The following TNFRSF10A variants were observed in gnomAD, a reference collection of about 807,000 sequenced individuals.
TNFRSF10A encodes tumor necrosis factor receptor superfamily member 10A.
TNFRSF10A carries 44 observed loss-of-function variants against 42.8 expected under a neutral mutation model. That is an observed-to-expected ratio of 1.03 (90% CI 0.81 to 1.32). The LOEUF is 1.32. Among genes scored for constraint, TNFRSF10A ranks in the 40% most tolerant of loss-of-function variants. TNFRSF10A has a pLI of 0.00. For missense variants in TNFRSF10A, 680 were observed against 602.0 expected (o/e 1.13, Z -1.36); for synonymous variants, 259 against 234.2 (o/e 1.11, Z -0.97).
chr8:23,207,056 G>A (rs575197117), intron 2 of TNFRSF10A: 42 of 472,254 alleles, frequency 8.9e-5, no homozygotes, highest in East Asian at 6.7e-4. Flanking sequence ...CCCACCTTCC[G>A]GTGGCCCAAG....
intron 9 of TNFRSF10A, among the ~76,000 whole-genome samples, chr8:23,196,916 G>C (rs1800830483): frequency 6.6e-6 from 1 of 152,160 alleles, no homozygotes; most frequent in South Asian, 2.1e-4. Flanking sequence ...GATAGACAGA[G>C]TGGCTAGTGT....
chr8:23,193,333 C>G (rs1028395472), intron 9 of TNFRSF10A, among the ~76,000 whole-genome samples: 3 of 152,206 alleles, frequency 2.0e-5, no homozygotes, highest in Non-Finnish European at 4.4e-5. Flanking sequence ...CAGTCTCTCT[C>G]AGGTCCCACT....
At chr8:23,216,754 A>T (rs1359868980) in intron 1 of TNFRSF10A, among the ~76,000 whole-genome samples, 2 of 151,846 alleles carry the variant, frequency 1.3e-5, no homozygotes, top group African/African-American at 4.9e-5. Context: ...AAAAAAAAAA[A>T]AGAAATATTT....
chr8:23,191,973 G>A lies in TNFRSF10A; in HGVS notation c.1128C>T (p.Pro376=), dbSNP rs752341073. The A allele has an allele frequency of 6.2e-6, 10 of 1,614,044 alleles. No individual in the cohort carries two copies. The highest frequency in any genetic ancestry group is 2.2e-5 in the East Asian group (1 of 44,896). Residue 376 remains proline, a synonymous_variant, in exon 10 of 10, where the codon CCC becomes CCT. Coordinates refer to ENST00000221132, the MANE Select transcript of TNFRSF10A (RefSeq NM_003844.4). ...TCATGAGCTGGTCCCAGGAGTCAAA[G>A]GGCACGATGTTTGCAAACTTGTCAA... is the stretch of plus-strand genomic sequence containing the variant. The part of the protein sequence containing the change: ...LFFDKFANIV[P]FDSWDQLMRQ...
At chr8:23,206,172 C>T (rs930086441) in intron 2 of TNFRSF10A, among the ~76,000 whole-genome samples, 2 of 151,230 alleles carry the variant, frequency 1.3e-5, no homozygotes, top group Non-Finnish European at 2.9e-5. Context: ...AGTGTTAAAA[C>T]GAGTGAAAAA....
At chr8:23,210,727 C>T (rs186950210) in intron 2 of TNFRSF10A, among the ~76,000 whole-genome samples, 90 of 152,128 alleles carry the variant, frequency 5.9e-4, no homozygotes, top group Non-Finnish European at 6.9e-4. Context: ...TATACCAGGA[C>T]CAAATAAGTT....
intron 1 of TNFRSF10A, among the ~76,000 whole-genome samples, chr8:23,219,689 C>T (rs976379634): frequency 2.0e-5 from 3 of 152,202 alleles, no homozygotes; most frequent in Non-Finnish European, 2.9e-5. Flanking sequence ...GAAGAGGCAG[C>T]GGCAGAGGCC....
chr8:23,212,247 T>A (rs780979905), intron 1 of TNFRSF10A, 35 bp from the exon 2 acceptor site: 1 of 1,572,612 alleles, frequency 6.4e-7, no homozygotes, highest in South Asian at 1.1e-5. Context: ...CATGAGTGGC[T>A]TCCAGATCTC....
chr8:23,223,669 C>T (rs192399794), intron 1 of TNFRSF10A, among the ~76,000 whole-genome samples: 2 of 152,288 alleles, frequency 1.3e-5, no homozygotes, highest in African/African-American at 2.4e-5. Flanking sequence ...ACTTGTAAGA[C>T]TGGTTTATCC....
At chr8:23,209,708 AC>A (rs1381420424) in intron 2 of TNFRSF10A, among the ~76,000 whole-genome samples, 2 of 152,154 alleles carry the variant, frequency 1.3e-5, no homozygotes, top group African/African-American at 4.8e-5. Flanking sequence ...CAATGCCTGT[AC>A]CCCCATTATA....
chr8:23,196,805 T>C (rs930649554), intron 9 of TNFRSF10A, among the ~76,000 whole-genome samples: 5 of 152,218 alleles, frequency 3.3e-5, no homozygotes, highest in African/African-American at 4.8e-5. Context: ...GATAAAGAGC[T>C]ATTAGCCCAC....
chr8:23,210,556 C>G (rs1433662724), intron 2 of TNFRSF10A, among the ~76,000 whole-genome samples: 1 of 152,088 alleles, frequency 6.6e-6, no homozygotes, highest in African/African-American at 2.4e-5. Context: ...GTGGCAGGCG[C>G]CTGTAGTCCC....
intron 9 of TNFRSF10A, among the ~76,000 whole-genome samples, chr8:23,193,457 T>G (rs2128846200): frequency 6.6e-6 from 1 of 152,354 alleles, no homozygotes; most frequent in South Asian, 2.1e-4. Context: ...GGATCTGCTC[T>G]TCTCAGTTTG....
chr8:23,199,681 A>G (rs1308789227), intron 7 of TNFRSF10A, among the ~76,000 whole-genome samples: 1 of 152,106 alleles, frequency 6.6e-6, no homozygotes, highest in Non-Finnish European at 1.5e-5. Flanking sequence ...GGGCTGTAGG[A>G]AGCACAGGGC....
rs184858322 is a variant in TNFRSF10A at position 23,224,670 on chromosome 8, G to A, written c.306+86C>T. 7 of 1,458,720 alleles carry A rather than the reference G, an allele frequency of 4.8e-6. No homozygotes were observed. The African/African-American group carries it at 8.6e-5, about 18-fold the overall frequency. The allele number at this position is 1,458,720 out of a possible 1,614,324, so 90.4% of individuals were successfully genotyped here. On this transcript the variant is annotated intron_variant, in intron 1 of 9. Transcript: ENST00000221132. ...CCCCGCCACAAGTGACCCGGGCCAGGCACCCCCGCCGCGTCCCCCTCTCTC... is the reference window on the plus strand; with the variant it reads ...CCCCGCCACAAGTGACCCGGGCCAGACACCCCCGCCGCGTCCCCCTCTCTC...
intron 1 of TNFRSF10A, among the ~76,000 whole-genome samples, chr8:23,219,180 G>C (rs930797120): frequency 2.0e-5 from 3 of 152,054 alleles, no homozygotes; most frequent in African/African-American, 7.2e-5. Context: ...TGGGCTTCAG[G>C]GAGCAGGACT....
chr8:23,205,820 C>A (rs1371421394), intron 2 of TNFRSF10A, among the ~76,000 whole-genome samples: 1 of 149,262 alleles, frequency 6.7e-6, no homozygotes, highest in African/African-American at 2.5e-5. Context: ...AAGCGATTAT[C>A]CTGCCTCAGC....
In TNFRSF10A at chr8:23,225,062, C is replaced by A; in HGVS notation, c.-1G>T. The A allele has an allele frequency of 1.3e-6, 2 of 1,511,356 alleles. No individual in the cohort carries two copies. The highest frequency in any genetic ancestry group is 1.3e-5 in the South Asian group (1 of 78,046). The allele number at this position is 1,511,356 out of a possible 1,614,324, so 93.6% of individuals were successfully genotyped here. ...GTACTCTAGCTGGTGGTGGCGCCAT[C>A]CTGCCAGGTCAATCCAAGAAGCAGC... On this transcript the variant is annotated 5_prime_UTR_variant, in exon 1 of 10. Transcript: ENST00000221132.
chr8:23,192,494 G>C (rs1221505569), intron 9 of TNFRSF10A, among the ~76,000 whole-genome samples: 1 of 152,132 alleles, frequency 6.6e-6, no homozygotes, highest in Non-Finnish European at 1.5e-5. Context: ...AGCTAGGTGG[G>C]GGCAAGCAGG....
Sources: allele counts gnomAD v4.1 joint callset (sites outside exome capture counted in the v4.1 genomes callset), GRCh38; gene constraint gnomAD v4.1.1; transcripts MANE v1.5; gene names NCBI Gene and HGNC (gene_info 2026-07-23, HGNC 2026-07-21).